ATRNL1: variants seen among roughly 807,000 people sequenced by gnomAD.
ATRNL1 encodes the protein attractin like 1, also known as attractin-like protein 1.
In ATRNL1, 95 loss-of-function variants were observed where a neutral mutation model predicts 182.7. The ratio of observed to expected loss-of-function variants is 0.52; its 90% CI spans 0.44 to 0.62. The LOEUF is 0.62. ATRNL1 is among the 20% of genes least tolerant of loss of function. The pLI is 0.00. For synonymous variants in ATRNL1, 576 were observed against 568.3 expected, an observed-to-expected ratio of 1.01 and a Z score of -0.19; for missense variants, 1,471 against 1,679.5, an observed-to-expected ratio of 0.88 and a Z score of 2.17.
At chr10:115,303,652 C>T (rs1853594221) in intron 17 of ATRNL1, among the ~76,000 whole-genome samples, 1 of 152,190 alleles carries the variant, frequency 6.6e-6, no homozygotes, top group Admixed American at 6.5e-5. Flanking sequence ...TTCTTCTCAA[C>T]ATCTGAGTGT....
At chr10:115,257,465 G>A (rs1398762352) in intron 10 of ATRNL1, among the ~76,000 whole-genome samples, 1 of 151,208 alleles carries the variant, frequency 6.6e-6, no homozygotes, top group African/African-American at 2.4e-5. Context: ...ACTTTTTTTT[G>A]CTTTCCATTT....
chr10:115,699,457 A>T (rs1488611019), intron 26 of ATRNL1, among the ~76,000 whole-genome samples: 1 of 152,156 alleles, frequency 6.6e-6, no homozygotes, highest in African/African-American at 2.4e-5. Context: ...AGGCAATTAG[A>T]TCAAGAGAAC....
At chr10:115,149,368 G>C (rs976742932) in intron 5 of ATRNL1, among the ~76,000 whole-genome samples, 11 of 151,880 alleles carry the variant, frequency 7.2e-5, no homozygotes, top group African/African-American at 2.7e-4. Context: ...TGATTTTGGG[G>C]CTGTTTTTTT....
chr10:115,250,951 T>C (rs146054286), intron 10 of ATRNL1, among the ~76,000 whole-genome samples: 34 of 152,328 alleles, frequency 2.2e-4, no homozygotes, highest in African/African-American at 7.9e-4. Context: ...GCGGAATTAA[T>C]ATCATCCTAA....
At chr10:115,899,096 A>G (rs1193379843) in intron 28 of ATRNL1, among the ~76,000 whole-genome samples, 3 of 151,822 alleles carry the variant, frequency 2.0e-5, no homozygotes, top group African/African-American at 7.3e-5. Context: ...TCCTAATGCT[A>G]TCCTTCCCCC....
intron 8 of ATRNL1, among the ~76,000 whole-genome samples, chr10:115,213,543 C>G (rs1350670881): frequency 6.6e-6 from 1 of 152,042 alleles, no homozygotes; most frequent in Non-Finnish European, 1.5e-5. Context: ...CACACATTCT[C>G]CAGTCCCTAG....
intron 25 of ATRNL1, among the ~76,000 whole-genome samples, chr10:115,546,458 C>T (rs1258689024): frequency 6.6e-6 from 1 of 151,476 alleles, no homozygotes; most frequent in African/African-American, 2.4e-5. Context: ...CCCAGCTACT[C>T]AGGAGGCTGA....
chr10:115,264,931 T>C (rs1488925347), intron 10 of ATRNL1, among the ~76,000 whole-genome samples: 1 of 151,678 alleles, frequency 6.6e-6, no homozygotes, highest in Non-Finnish European at 1.5e-5. Flanking sequence ...AAAATACCTC[T>C]AAGTTCATTC....
intron 18 of ATRNL1, among the ~76,000 whole-genome samples, chr10:115,316,022 T>C (rs1226139020): frequency 6.6e-6 from 1 of 152,206 alleles, no homozygotes; most frequent in African/African-American, 2.4e-5. Flanking sequence ...TTGGGATACA[T>C]GTGCAGAACG....
chr10:115,563,168 G>A (rs1853858539), intron 26 of ATRNL1, among the ~76,000 whole-genome samples: 1 of 152,112 alleles, frequency 6.6e-6, no homozygotes, highest in African/African-American at 2.4e-5. Flanking sequence ...TCTGCTTCTG[G>A]TGAGCGCCTG....
At chr10:115,129,081 T>A (rs1411627080) in intron 4 of ATRNL1, among the ~76,000 whole-genome samples, 1 of 152,190 alleles carries the variant, frequency 6.6e-6, no homozygotes, top group Non-Finnish European at 1.5e-5. Flanking sequence ...CATGTAGTCG[T>A]TAGACATTTG....
rs111923895 is a variant in ATRNL1, at chr10:115,821,385, C to T, written c.3904-26492C>T. ...GTCTTTACAATTTGGTATGTTTTTG[C>T]GGTGGTTGGTACTGGTTTTTCCTTT... On this transcript the variant is annotated intron_variant, in intron 27 of 28. Transcript: ENST00000355044. Among the ~76,000 whole-genome samples the T allele has an allele frequency of 6.3e-3, 960 of 152,078 alleles. 9 individuals are homozygous for T. The highest frequency in any genetic ancestry group is 0.021 in the African/African-American group (888 of 41,484).
chr10:115,677,858 T>G (rs913808496), intron 26 of ATRNL1, among the ~76,000 whole-genome samples: 2 of 152,066 alleles, frequency 1.3e-5, no homozygotes, highest in Admixed American at 6.6e-5. Context: ...CCAAAGGGTA[T>G]CAGTGGCTTG....
intron 17 of ATRNL1, among the ~76,000 whole-genome samples, chr10:115,306,358 A>T (rs1380367353): frequency 1.3e-5 from 2 of 152,156 alleles, no homozygotes; most frequent in Non-Finnish European, 2.9e-5. Flanking sequence ...AGTGTTGTGG[A>T]TAAGAATTCC....
At chr10:115,290,723 CAG>C (rs1464348768) in intron 15 of ATRNL1, among the ~76,000 whole-genome samples, 8 of 151,974 alleles carry the variant, frequency 5.3e-5, no homozygotes, top group Admixed American at 1.3e-4. Flanking sequence ...TTCTCTCCTG[CAG>C]AGAGAGAGGG....
At chr10:115,585,308 G>A (rs1191027028) in intron 26 of ATRNL1, among the ~76,000 whole-genome samples, 35 of 93,906 alleles carry the variant, frequency 3.7e-4, no homozygotes, top group African/African-American at 1.2e-3. Context: ...TATCCTTGTT[G>A]ACTTTCTGTC....
intron 8 of ATRNL1, among the ~76,000 whole-genome samples, chr10:115,188,931 A>T (rs192362809): frequency 6.6e-6 from 1 of 152,194 alleles, no homozygotes; most frequent in Non-Finnish European, 1.5e-5. Flanking sequence ...ATGTGTTGCA[A>T]TTAGGCTTGG....
At chr10:115,112,471 A>T (rs1488001604) in intron 1 of ATRNL1, among the ~76,000 whole-genome samples, 3 of 152,204 alleles carry the variant, frequency 2.0e-5, no homozygotes, top group African/African-American at 7.2e-5. Flanking sequence ...AATTGTTATA[A>T]CAAGTCTGAA....
chr10:115,588,470 A>G (rs1485969456), intron 26 of ATRNL1, among the ~76,000 whole-genome samples: 2 of 152,200 alleles, frequency 1.3e-5, no homozygotes, highest in Non-Finnish European at 2.9e-5. Flanking sequence ...GGCCTTCCAC[A>G]GTATTCTGTG....
Sources: gnomAD v4.1 joint callset for allele counts (sites outside exome capture counted in the v4.1 genomes callset) on GRCh38, gnomAD v4.1.1 for gene constraint, MANE v1.5 for transcripts, NCBI Gene and HGNC (gene_info 2026-07-23, HGNC 2026-07-21) for gene names.